C16orf74: variants seen among roughly 807,000 people sequenced by gnomAD.
C16orf74 encodes uncharacterized protein C16orf74.
C16orf74 carries 10 observed loss-of-function variants against 6.5 expected under a neutral mutation model. The observed-to-expected ratio is 1.54, with a 90% CI of 0.95 to 2.61. The LOEUF is 2.61. Among genes scored for constraint, C16orf74 ranks in the 30% most tolerant of loss-of-function variants. The pLI is 0.00. For synonymous variants in C16orf74, 60 were observed against 42.5 expected (o/e 1.41, Z -1.60); for missense variants, 141 against 105.9 (o/e 1.33, Z -1.45).
intron 1 of C16orf74, among the ~76,000 whole-genome samples, chr16:85,744,637 T>C (rs9308358): frequency 0.013 from 2,031 of 151,984 alleles, 44 homozygotes; most frequent in African/African-American, 0.046. Context: ...GAGACCATCC[T>C]GGCTAACACG....
intron 1 of C16orf74, chr16:85,743,606 G>T (rs999601453): frequency 6.6e-6 from 1 of 152,170 alleles, no homozygotes; most frequent in Non-Finnish European, 1.5e-5. Flanking sequence ...ACAAACACAC[G>T]TATCTTTGTA....
In C16orf74 at chr16:85,717,864, G is replaced by A. The variant is rs2054040586; in HGVS notation, c.29-7557C>T. ...GCCCTCACCATTGCTGGGATCCGCA[G>A]CCCTGATCCTTCAAAAGCCCTGAGC... is the stretch of plus-strand genomic sequence containing the variant. On this transcript the variant is annotated intron_variant, in intron 2 of 3. Coordinates refer to ENST00000284245, the MANE Select transcript of C16orf74 (RefSeq NM_206967.3). 2.6e-5 allele frequency among the ~76,000 whole-genome samples: 4 copies of A among 152,166 alleles called. No individual in the cohort carries two copies. The South Asian group carries it at 8.3e-4, about 31-fold the overall frequency.
At chr16:85,736,520 T>G (rs1352660139) in intron 1 of C16orf74, among the ~76,000 whole-genome samples, 1 of 151,930 alleles carries the variant, frequency 6.6e-6, no homozygotes, top group African/African-American at 2.4e-5. Context: ...GTGGAGCTAG[T>G]AAGACATGGG....
chr16:85,716,890 C>T (rs1033781929), intron 2 of C16orf74, among the ~76,000 whole-genome samples: 1 of 152,216 alleles, frequency 6.6e-6, no homozygotes, highest in Non-Finnish European at 1.5e-5. Flanking sequence ...CTCATTTGTG[C>T]TAAGGCCAGA....
chr16:85,741,864 T>C (rs977436625), intron 1 of C16orf74, among the ~76,000 whole-genome samples: 2 of 152,198 alleles, frequency 1.3e-5, no homozygotes, highest in African/African-American at 2.4e-5. Flanking sequence ...GTCACCATCA[T>C]CTTCATCATC....
chr16:85,750,414 G>T (rs1250491239), intron 1 of C16orf74, among the ~76,000 whole-genome samples: 1 of 152,224 alleles, frequency 6.6e-6, no homozygotes, highest in Non-Finnish European at 1.5e-5. Context: ...GTCCACACGG[G>T]TCGCCCTTCG....
chr16:85,710,438 C>G (rs1047523351), intron 2 of C16orf74, 131 bp from the exon 3 acceptor site: 8 of 781,254 alleles, frequency 1.0e-5, no homozygotes, highest in East Asian at 1.0e-4. Flanking sequence ...CAGCAAGGAG[C>G]GCAGCTGTCC....
chr16:85,737,030 G>A (rs1209555481), intron 1 of C16orf74, among the ~76,000 whole-genome samples: 2 of 152,040 alleles, frequency 1.3e-5, no homozygotes, highest in South Asian at 2.1e-4. Flanking sequence ...GCGACAGAGT[G>A]AGACTTCATC....
chr16:85,733,004 A>G (rs1277653328), intron 2 of C16orf74, among the ~76,000 whole-genome samples: 1 of 152,146 alleles, frequency 6.6e-6, no homozygotes, highest in East Asian at 1.9e-4. Context: ...TTTCCCAGGC[A>G]CTGTCAGGAT....
intron 1 of C16orf74, among the ~76,000 whole-genome samples, chr16:85,749,589 C>T (rs1023241412): frequency 6.6e-6 from 1 of 152,214 alleles, no homozygotes; most frequent in Non-Finnish European, 1.5e-5. Flanking sequence ...GGCCCTGTTT[C>T]CTCATCTTTA....
At chr16:85,729,537 C>T (rs371980) in intron 2 of C16orf74, among the ~76,000 whole-genome samples, 1 of 152,122 alleles carries the variant, frequency 6.6e-6, no homozygotes, top group Non-Finnish European at 1.5e-5. Context: ...CAGAGGTGAA[C>T]TGACTTAATG....
intron 1 of C16orf74, among the ~76,000 whole-genome samples, chr16:85,735,657 C>A (rs894788483): frequency 6.6e-6 from 1 of 151,826 alleles, no homozygotes; most frequent in African/African-American, 2.4e-5. Flanking sequence ...CAGAGGCCCC[C>A]ATGGCCATGT....
intron 1 of C16orf74, among the ~76,000 whole-genome samples, chr16:85,749,182 C>A (rs949699466): frequency 6.6e-6 from 1 of 152,158 alleles, no homozygotes; most frequent in Non-Finnish European, 1.5e-5. Context: ...TTCAGTACCA[C>A]GGCTCAGGGT....
intron 1 of C16orf74, chr16:85,743,288 T>A (rs1304875248): frequency 6.6e-6 from 1 of 152,212 alleles, no homozygotes; most frequent in Non-Finnish European, 1.5e-5. Context: ...TACCTTAAAC[T>A]TTATCATCAT....
intron 1 of C16orf74, among the ~76,000 whole-genome samples, chr16:85,747,056 G>C (rs561899951): frequency 6.7e-6 from 1 of 150,270 alleles, no homozygotes; most frequent in East Asian, 2.0e-4. Flanking sequence ...GGATGGGGTG[G>C]AGGCAGGAGG....
intron 2 of C16orf74, among the ~76,000 whole-genome samples, chr16:85,732,456 A>T (rs1346163508): frequency 6.6e-6 from 1 of 151,626 alleles, no homozygotes; most frequent in Non-Finnish European, 1.5e-5. Context: ...ACTTGAGGTC[A>T]GGAGTTCAAG....
chr16:85,713,293 G>C (rs2053988110), intron 2 of C16orf74, among the ~76,000 whole-genome samples: 1 of 151,478 alleles, frequency 6.6e-6, no homozygotes, highest in Non-Finnish European at 1.5e-5. Context: ...TTTTTTTTGA[G>C]ACGGATCTCA....
chr16:85,732,665 CAA>C lies in C16orf74; in HGVS notation c.28+2523_28+2524del, dbSNP rs66539936. On this transcript the variant is annotated intron_variant, in intron 2 of 3. Transcript: ENST00000284245. ...TGGGTGACAGAGCGAGACTCTGTCTCAAAAAAAAAAAAAAAAAAAAAAAAGAG... is the reference window on the plus strand; with the variant it reads ...TGGGTGACAGAGCGAGACTCTGTCTCAAAAAAAAAAAAAAAAAAAAAAGAG... Among the ~76,000 whole-genome samples, 64 of 44,160 alleles carry C rather than the reference CAA, an allele frequency of 1.4e-3. 1 individual carries two copies. The South Asian group carries it at 0.055, about 38-fold the overall frequency. 29.0% of individuals were successfully genotyped at this position (44,160 alleles called of 152,430 possible).
rs192517894 is a variant in C16orf74 at position 85,735,334 on chromosome 16, A to G, written c.-18-99T>C. On this transcript the variant is annotated intron_variant, in intron 1 of 3. Transcript: ENST00000284245. ...CACCCTTGGCCCTGATGAGTGCAAAACAGGAGGTTGTGGTGGAGAGAAACC... is the reference window on the plus strand; with the variant it reads ...CACCCTTGGCCCTGATGAGTGCAAAGCAGGAGGTTGTGGTGGAGAGAAACC... The G allele has an allele frequency of 6.4e-3, 4,443 of 692,422 alleles. 138 individuals carry two copies. The African/African-American group carries it at 0.073, about 11-fold the overall frequency. 42.9% of individuals were successfully genotyped at this position (692,422 alleles called of 1,614,324 possible). A position where few individuals can be genotyped will look rare whatever the true frequency, so the allele number is the denominator to read the frequency against.
Sources: gnomAD v4.1 joint callset for allele counts (sites outside exome capture counted in the v4.1 genomes callset) on GRCh38, gnomAD v4.1.1 for gene constraint, MANE v1.5 for transcripts, NCBI Gene and HGNC (gene_info 2026-07-23, HGNC 2026-07-21) for gene names.